MIDEAS: variants seen among roughly 807,000 people sequenced by gnomAD.
MIDEAS encodes the protein mitotic deacetylase associated SANT domain protein.
Under a neutral mutation model 102.7 loss-of-function variants are expected in MIDEAS, and 26 were observed. The observed-to-expected ratio is 0.25, with a 90% CI of 0.19 to 0.35. The LOEUF (loss-of-function observed/expected upper bound fraction) is 0.35. MIDEAS is among the 10% of genes least tolerant of loss of function. The probability of loss-of-function intolerance (pLI) is 1.00; values close to 1 mark genes in which losing one functional copy is unlikely to be tolerated. For missense variants in MIDEAS, 1,231 were observed against 1,435.6 expected (o/e 0.86, Z 2.30); for synonymous variants, 585 against 591.0 (o/e 0.99, Z 0.15).
chr14:73,737,983 G>C (rs72721770), intron 2 of MIDEAS, among the ~76,000 whole-genome samples: 34,422 of 151,690 alleles, frequency 0.23, 5,205 homozygotes, highest in Non-Finnish European at 0.34. Context: ...GGGTTTTGCT[G>C]TGTTGGCCAG....
rs1342845745 is a variant in MIDEAS, at chr14:73,726,676, G to A, written c.2337C>T (p.Ser779=). The A allele has an allele frequency of 1.9e-6, 3 of 1,614,242 alleles. No individual in the cohort carries two copies. The highest frequency in any genetic ancestry group is 2.5e-6 in the Non-Finnish European group (3 of 1,180,038). The part of the protein sequence containing the change: ...VEDLLTAACS[S]IFPGAGTNQE... ...GGTTGGTGCCAGCACCAGGGAAAATGCTGGAGCAGGCGGCTGTCAGCAGGT... is the reference window on the plus strand; with the variant it reads ...GGTTGGTGCCAGCACCAGGGAAAATACTGGAGCAGGCGGCTGTCAGCAGGT... The change falls in exon 7 of 13, where the codon AGC becomes AGT. Residue 779 remains serine (S), a synonymous_variant. Coordinates refer to ENST00000423556, the MANE Select transcript of MIDEAS (RefSeq NM_001367710.1).
In MIDEAS at chr14:73,737,307, A is replaced by G; in HGVS notation, c.1450-10T>C. 1.2e-6 allele frequency: 2 copies of G among 1,604,828 alleles called. No individual in the cohort carries two copies. Among genetic ancestry groups the G allele is most frequent in the Middle Eastern group, 1.7e-4 (1 of 6,042 alleles). ...CAGAACCACTGCCATCCTGGACAAG[A>G]TGGGAACAGAAGTGCAATTTAAAAG... On this transcript the variant is annotated splice_polypyrimidine_tract_variant and intron_variant, in intron 2 of 12. Coordinates refer to ENST00000423556, the MANE Select transcript of MIDEAS (RefSeq NM_001367710.1).
intron 1 of MIDEAS, among the ~76,000 whole-genome samples, chr14:73,775,195 T>C (rs921775733): frequency 1.2e-4 from 18 of 151,760 alleles, no homozygotes; most frequent in Non-Finnish European, 2.5e-4. Flanking sequence ...AAAAGGGCCA[T>C]GCTAGGGAAG....
rs2053290007 is a variant in MIDEAS, at chr14:73,742,193, G to T, written c.-247-1938C>A. Among the ~76,000 whole-genome samples the T allele has an allele frequency of 6.6e-6, 1 of 152,254 alleles. No individual in the cohort carries two copies. Among genetic ancestry groups the T allele is most frequent in the African/African-American group, 2.4e-5 (1 of 41,472 alleles). ...AGCAAGACAGAGAAAGGAAGAATGTGCGCCAGCCTGGCAAGCCCACGTGCC... is the reference window on the plus strand; with the variant it reads ...AGCAAGACAGAGAAAGGAAGAATGTTCGCCAGCCTGGCAAGCCCACGTGCC... On this transcript the variant is annotated intron_variant, in intron 1 of 12. Transcript: ENST00000423556. The surrounding 1 kb of genome is among the most constrained non-coding windows in gnomAD (Gnocchi z 4.4).
chr14:73,782,403 T>C (rs184958014), intron 1 of MIDEAS, among the ~76,000 whole-genome samples: 24 of 152,282 alleles, frequency 1.6e-4, no homozygotes, highest in Admixed American at 9.8e-4. Flanking sequence ...AGAATCTCTG[T>C]CACCCAAGCT....
chr14:73,736,959 T>A (rs1472764631), intron 3 of MIDEAS, 39 bp downstream of exon 3: 1 of 1,586,866 alleles, frequency 6.3e-7, no homozygotes, highest in East Asian at 2.2e-5. Context: ...CCCTGAGCAC[T>A]CACGCGCTGG....
At chr14:73,753,869 A>AG (rs34820384) in intron 1 of MIDEAS, among the ~76,000 whole-genome samples, 57,910 of 151,972 alleles carry the variant, frequency 0.38, 11,733 homozygotes, top group East Asian at 0.7. Context: ...ACAGGGATAC[A>AG]GGGGGATGAG....
At chr14:73,726,197 G>C in intron 7 of MIDEAS, 89 bp from the exon 8 acceptor site, 1 of 1,054,028 alleles carries the variant, frequency 9.5e-7, no homozygotes, top group Non-Finnish European at 1.4e-6. Context: ...ATCCCGAGTA[G>C]GGTGGACACT....
intron 1 of MIDEAS, among the ~76,000 whole-genome samples, chr14:73,746,256 G>A (rs2053350235): frequency 6.6e-6 from 1 of 152,212 alleles, no homozygotes; most frequent in Non-Finnish European, 1.5e-5. Flanking sequence ...TTTGCCAGGG[G>A]TGGGGGAGGT....
intron 5 of MIDEAS, 45 bp downstream of exon 5, chr14:73,727,413 G>A: frequency 6.2e-7 from 1 of 1,604,926 alleles, no homozygotes; most frequent in Non-Finnish European, 8.5e-7. Flanking sequence ...CACTGCACCA[G>A]TGTGGCCACC....
In MIDEAS at chr14:73,738,953, C is replaced by T; in HGVS notation, c.1056G>A (p.Glu352=). The change falls in exon 2 of 13, where the codon GAG becomes GAA. Residue 352 remains glutamate (E), a synonymous_variant. Coordinates refer to ENST00000423556, the MANE Select transcript of MIDEAS (RefSeq NM_001367710.1). The part of the protein sequence containing the change: ...FPRRSRRLSK[E]GILPPSALDG... ...CCAGGGCGCTGGGAGGCAGGATACC[C>T]TCCTTAGAGAGGCGGCGGGAGCGGC... 6.5e-7 allele frequency: 1 copy of T among 1,530,094 alleles called. No homozygotes were observed. Among genetic ancestry groups the T allele is most frequent in the Non-Finnish European group, 8.8e-7 (1 of 1,140,898 alleles). The allele number at this position is 1,530,094 out of a possible 1,614,324, so 94.8% of individuals were successfully genotyped here.
chr14:73,779,394 C>CAAAAA (rs35902307), intron 1 of MIDEAS, among the ~76,000 whole-genome samples: 4 of 104,172 alleles, frequency 3.8e-5, no homozygotes, highest in Admixed American at 1.0e-4. Context: ...GATTCCATCT[C>CAAAAA]AAAAAAAAAA....
At chr14:73,736,950 C>T (rs747610453) in intron 3 of MIDEAS, 48 bp downstream of exon 3, 14 of 1,571,774 alleles carry the variant, frequency 8.9e-6, no homozygotes, top group Non-Finnish European at 1.2e-5. Flanking sequence ...TCCTGGGCCC[C>T]CTGAGCACTC....
rs2053524086 is a variant in MIDEAS, at chr14:73,759,138, A to G, written c.-248+625T>C. 6.6e-6 allele frequency among the ~76,000 whole-genome samples: 1 copy of G among 152,032 alleles called. No homozygotes were observed. The highest frequency in any genetic ancestry group is 2.4e-5 in the African/African-American group (1 of 41,400). On this transcript the variant is annotated intron_variant, in intron 1 of 12. Coordinates refer to ENST00000423556, the MANE Select transcript of MIDEAS (RefSeq NM_001367710.1). This position sits in a 1 kb window ranked among gnomAD's most constrained non-coding sequence, Gnocchi z 6.7. ...CCGCCCGCGCGAAGCGCTCCAGCCT[A>G]GGCCTCTGCTGACTGCATTTGCCCC...
upstream of MIDEAS, among the ~76,000 whole-genome samples, chr14:73,763,506 T>C (rs2053569838): frequency 6.6e-6 from 1 of 152,172 alleles, no homozygotes; most frequent in East Asian, 1.9e-4. Context: ...GAGAAGTGTC[T>C]TTCTCCCCAG....
chr14:73,746,117 G>A (rs1379025184), intron 1 of MIDEAS, among the ~76,000 whole-genome samples: 2 of 152,168 alleles, frequency 1.3e-5, no homozygotes, highest in African/African-American at 2.4e-5. Context: ...GTGTAAGAGA[G>A]GAATCCTTTC....
intron 1 of MIDEAS, among the ~76,000 whole-genome samples, chr14:73,746,597 G>C (rs969877936): frequency 2.6e-5 from 4 of 152,186 alleles, no homozygotes; most frequent in Admixed American, 2.6e-4. Flanking sequence ...CCCACCACTG[G>C]AGGCTGCTGC....
rs377755749 is a variant in MIDEAS at position 73,736,021 on chromosome 14, G to C, written c.1749+977C>G. ...AAAATACGAAAATTAGCCAGGCTTC[G>C]TGATGCATGCCTGTAATCCCAGCTA... On this transcript the variant is annotated intron_variant, in intron 3 of 12. Transcript: ENST00000423556. 1.0e-3 allele frequency among the ~76,000 whole-genome samples: 152 copies of C among 152,260 alleles called. 1 individual carries two copies. The highest frequency in any genetic ancestry group is 3.5e-3 in the African/African-American group (146 of 41,550).
chr14:73,782,036 A>G (rs12717559), intron 1 of MIDEAS, among the ~76,000 whole-genome samples: 115,676 of 152,112 alleles, frequency 0.76, 44,817 homozygotes, highest in African/African-American at 0.9. Context: ...CAGCCTGGGT[A>G]GAGTAAAAAA....
Sources: gnomAD v4.1 joint callset for allele counts (sites outside exome capture counted in the v4.1 genomes callset) on GRCh38, gnomAD v4.1.1 for gene constraint, Gnocchi (gnomAD v3.1) non-coding constraint, MANE v1.5 for transcripts, NCBI Gene and HGNC (gene_info 2026-07-23, HGNC 2026-07-21) for gene names.